PDE11A: variants seen among roughly 807,000 people sequenced by gnomAD.
PDE11A encodes the protein dual 3',5'-cyclic-AMP and -GMP phosphodiesterase 11A.
A neutral mutation model predicts 100.5 loss-of-function variants in PDE11A; 100 were observed. That is an observed-to-expected ratio of 1.00 (90% CI 0.85 to 1.18). PDE11A has a LOEUF of 1.18. Ranked by LOEUF, PDE11A falls within the 50% of genes most tolerant of loss-of-function variation. PDE11A has a pLI of 0.00. For missense variants in PDE11A, 1,141 were observed against 1,152.6 expected, an observed-to-expected ratio of 0.99 and a Z score of 0.15; for synonymous variants, 381 against 420.8, an observed-to-expected ratio of 0.91 and a Z score of 1.16.
At chr2:177,745,320 C>G (rs142560551) in intron 10 of PDE11A, among the ~76,000 whole-genome samples, 1 of 152,224 alleles carries the variant, frequency 6.6e-6, no homozygotes, top group East Asian at 1.9e-4. Context: ...CATATTTGTT[C>G]CAAACACATC....
chr2:177,801,212 T>C (rs903148501), intron 9 of PDE11A, among the ~76,000 whole-genome samples: 1 of 152,206 alleles, frequency 6.6e-6, no homozygotes, highest in Non-Finnish European at 1.5e-5. Context: ...AGTAGCCCCA[T>C]ATTTTTAGTC....
intron 4 of PDE11A, among the ~76,000 whole-genome samples, chr2:177,889,840 T>C (rs1327580345): frequency 1.3e-5 from 2 of 152,158 alleles, no homozygotes; most frequent in Non-Finnish European, 2.9e-5. Context: ...TTATTTTTTA[T>C]CTCATTTCAT....
rs2084769861 is a variant in PDE11A at position 177,905,309 on chromosome 2, T to A, written c.1072-122A>T. On this transcript the variant is annotated intron_variant, in intron 2 of 19. Transcript: ENST00000286063. ...ATACTTTATTTGCATCTATAGAGAT[T>A]GAATACAGAGAGTTGTTGATACTAG... is the stretch of plus-strand genomic sequence containing the variant. The A allele has an allele frequency of 1.1e-5, 7 of 614,930 alleles. No individual in the cohort carries two copies. In the East Asian group the frequency reaches 1.9e-4, roughly 17 times the overall value. 38.1% of individuals were successfully genotyped at this position (614,930 alleles called of 1,614,324 possible).
chr2:177,845,635 C>T (rs988423289), intron 5 of PDE11A, among the ~76,000 whole-genome samples: 26 of 152,154 alleles, frequency 1.7e-4, no homozygotes, highest in East Asian at 3.9e-4. Context: ...GGGTGGCGGC[C>T]GGGCAGAGGC....
chr2:178,028,300 CAAAAAA>C (rs5836640), intron 1 of PDE11A, among the ~76,000 whole-genome samples: 1 of 131,402 alleles, frequency 7.6e-6, no homozygotes, highest in Non-Finnish European at 1.6e-5. Flanking sequence ...CATGTTCCAT[CAAAAAA>C]AAAAAAAAAA....
chr2:178,096,169 C>CTTTTTTTTTTTTT lies in PDE11A; in HGVS notation c.162+8132_162+8133insAAAAAAAAAAAAA, dbSNP rs71010857. ...AGAAAACAGGTTTTTCTTTTCTTTT[C>CTTTTTTTTTTTTT]TTTTTTTTTTTTGAGATGGAGTCTC... On this transcript the variant is annotated intron_variant, in intron 2 of 20. Transcript: ENST00000358450. Among the ~76,000 whole-genome samples, 69 of 120,112 alleles carry CTTTTTTTTTTTTT rather than the reference C, an allele frequency of 5.7e-4. 2 individuals are homozygous for CTTTTTTTTTTTTT. The highest frequency in any genetic ancestry group is 6.5e-4 in the Non-Finnish European group (37 of 56,748). 78.8% of individuals were successfully genotyped at this position (120,112 alleles called of 152,430 possible). A position where few individuals can be genotyped will look rare whatever the true frequency, so the allele number is the denominator to read the frequency against.
At chr2:177,757,272 T>C (rs544468650) in intron 10 of PDE11A, among the ~76,000 whole-genome samples, 2 of 152,184 alleles carry the variant, frequency 1.3e-5, no homozygotes, top group African/African-American at 2.4e-5. Flanking sequence ...ACTGAGCATA[T>C]ACTGGGGCCC....
chr2:178,049,669 A>G (rs1263352193), intron 1 of PDE11A, among the ~76,000 whole-genome samples: 1 of 152,152 alleles, frequency 6.6e-6, no homozygotes, highest in Non-Finnish European at 1.5e-5. Flanking sequence ...GTGCTTTTCC[A>G]ACAGTCTTAG....
At chr2:177,988,027 C>T (rs145890171) in intron 2 of PDE11A, among the ~76,000 whole-genome samples, 2 of 152,302 alleles carry the variant, frequency 1.3e-5, no homozygotes, top group East Asian at 3.9e-4. Flanking sequence ...CCACCATTGC[C>T]ACACACAAAA....
intron 12 of PDE11A, among the ~76,000 whole-genome samples, chr2:177,715,556 T>G (rs185678095): frequency 4.9e-4 from 75 of 152,178 alleles, no homozygotes; most frequent in Admixed American, 4.4e-3. Context: ...ACTGGACTTC[T>G]GGTACTGATT....
chr2:177,637,606 T>C (rs1324153836), intron 19 of PDE11A, among the ~76,000 whole-genome samples: 3 of 151,362 alleles, frequency 2.0e-5, no homozygotes, highest in African/African-American at 7.3e-5. Flanking sequence ...GATTCTCATG[T>C]GCATTGCTGT....
At chr2:178,015,964 C>A (rs917868249) in intron 1 of PDE11A, among the ~76,000 whole-genome samples, 1 of 151,878 alleles carries the variant, frequency 6.6e-6, no homozygotes, top group African/African-American at 2.4e-5. Flanking sequence ...AAGACAAAAA[C>A]AAAGCACTGG....
At position 177,875,356 on chromosome 2, in the gene PDE11A, CATTTATTT is replaced by C. The variant is rs962502106; in HGVS notation, c.1367+495_1367+502del. Among the ~76,000 whole-genome samples the C allele has an allele frequency of 1.3e-5, 2 of 151,768 alleles. 1 individual carries two copies. Among genetic ancestry groups the C allele is most frequent in the East Asian group, 3.9e-4 (2 of 5,182 alleles). ...ACTGATTGCAAGCTAGATGTATATG[CATTTATTT>C]ATTTATTTATTTATTTTTATTTTAT... On this transcript the variant is annotated intron_variant, in intron 5 of 19. Transcript: ENST00000286063.
chr2:177,774,826 C>T (rs954438543), intron 9 of PDE11A, among the ~76,000 whole-genome samples: 2 of 152,158 alleles, frequency 1.3e-5, no homozygotes, highest in Non-Finnish European at 2.9e-5. Flanking sequence ...CACAAGATGT[C>T]CATGTCCTAA....
intron 5 of PDE11A, among the ~76,000 whole-genome samples, chr2:177,854,880 C>T (rs1198608397): frequency 6.6e-6 from 1 of 151,984 alleles, no homozygotes; most frequent in Non-Finnish European, 1.5e-5. Flanking sequence ...TGTCAATTGA[C>T]AACATTAAAT....
chr2:177,757,850 G>A lies in PDE11A; in HGVS notation c.1788+11473C>T, dbSNP rs114308449. Among the ~76,000 whole-genome samples the A allele has an allele frequency of 2.1e-3, 327 of 152,222 alleles. 1 individual carries two copies. The highest frequency in any genetic ancestry group is 7.5e-3 in the African/African-American group (312 of 41,540). On this transcript the variant is annotated intron_variant, in intron 10 of 19. Transcript: ENST00000286063. ...GTGGTCTTATAGAAACGATTCTAGA[G>A]TTTTCTGTTACAGTGGGACTGTAAC...
At chr2:178,033,388 T>C (rs1242443516) in intron 1 of PDE11A, among the ~76,000 whole-genome samples, 1 of 151,944 alleles carries the variant, frequency 6.6e-6, no homozygotes, top group Non-Finnish European at 1.5e-5. Context: ...ATCCAGGAAA[T>C]ATGGGACTAT....
rs143876541 is a variant in PDE11A, at chr2:177,683,837, G to A, written c.2346-2934C>T. ...AAGAGCCCAGGTTTGGACCCACACCGACCTGGCTTAATGCTGACTGTCACT... is the reference window on the plus strand; with the variant it reads ...AAGAGCCCAGGTTTGGACCCACACCAACCTGGCTTAATGCTGACTGTCACT... On this transcript the variant is annotated intron_variant, in intron 15 of 19. Transcript: ENST00000286063. Among the ~76,000 whole-genome samples the A allele has an allele frequency of 3.5e-4, 54 of 152,186 alleles. No individual in the cohort carries two copies. In the East Asian group the frequency reaches 7.9e-3, roughly 22 times the overall value.
At chr2:178,094,383 AT>A (rs2087462026) in intron 2 of PDE11A, among the ~76,000 whole-genome samples, 1 of 151,658 alleles carries the variant, frequency 6.6e-6, no homozygotes, top group Admixed American at 6.6e-5. Flanking sequence ...AGAAAAAAAA[AT>A]GGCCGGGCAT....
Sources: allele counts gnomAD v4.1 joint callset (sites outside exome capture counted in the v4.1 genomes callset), GRCh38; gene constraint gnomAD v4.1.1; transcripts MANE v1.5; gene names NCBI Gene and HGNC (gene_info 2026-07-23, HGNC 2026-07-21).